DOCK3: variants seen among roughly 807,000 people sequenced by gnomAD.
DOCK3 encodes dedicator of cytokinesis 3.
In DOCK3, 60 loss-of-function variants were observed where a neutral mutation model predicts 265.6. The observed-to-expected ratio is 0.23, with a 90% CI of 0.18 to 0.28. The LOEUF (loss-of-function observed/expected upper bound fraction) is 0.28. Ranked by LOEUF, DOCK3 falls within the 10% of genes least tolerant of loss-of-function variation. The probability of loss-of-function intolerance (pLI) is 1.00; values close to 1 mark genes in which losing one functional copy is unlikely to be tolerated. For synonymous variants in DOCK3, 881 were observed against 938.0 expected, an observed-to-expected ratio of 0.94 and a Z score of 1.11; for missense variants, 1,981 against 2,594.3, an observed-to-expected ratio of 0.76 and a Z score of 5.14.
At chr3:51,237,915 G>A (rs2078420719) in intron 21 of DOCK3, among the ~76,000 whole-genome samples, 1 of 151,306 alleles carries the variant, frequency 6.6e-6, no homozygotes, top group African/African-American at 2.4e-5. Flanking sequence ...CTATCCCCTG[G>A]CACCCACCAT....
At chr3:51,056,666 G>T (rs115548871) in intron 5 of DOCK3, among the ~76,000 whole-genome samples, 2,250 of 152,232 alleles carry the variant, frequency 0.015, 34 homozygotes, top group Non-Finnish European at 0.024. Flanking sequence ...TAGGATTAGA[G>T]GTTACTTCAT....
At chr3:50,901,416 G>A (rs1361923729) in intron 4 of DOCK3, among the ~76,000 whole-genome samples, 1 of 152,102 alleles carries the variant, frequency 6.6e-6, no homozygotes, top group Non-Finnish European at 1.5e-5. Context: ...TGGCTCCATG[G>A]GAATGAGATC....
At chr3:51,362,327 C>T (rs1176187869) in intron 48 of DOCK3, among the ~76,000 whole-genome samples, 200 bp from the exon 49 acceptor site, 3 of 152,166 alleles carry the variant, frequency 2.0e-5, no homozygotes, top group African/African-American at 7.2e-5. Context: ...GTAGTATGGC[C>T]AGCCCAACAA....
chr3:50,718,386 A>G (rs2037259113), intron 1 of DOCK3, among the ~76,000 whole-genome samples: 1 of 152,160 alleles, frequency 6.6e-6, no homozygotes, highest in African/African-American at 2.4e-5. Flanking sequence ...TCTTTTGCTT[A>G]TATTTTCTTT....
chr3:50,807,823 A>G (rs2043520615), intron 2 of DOCK3, among the ~76,000 whole-genome samples: 1 of 152,164 alleles, frequency 6.6e-6, no homozygotes. Context: ...ATCACAGCTC[A>G]CTGTAGCCTT....
At chr3:51,311,103 A>T (rs11130290) in intron 28 of DOCK3, among the ~76,000 whole-genome samples, 125,123 of 152,228 alleles carry the variant, frequency 0.82, 52,018 homozygotes, top group Middle Eastern at 0.9. Context: ...TACTTCCTCA[A>T]ATAGTGACTT....
intron 4 of DOCK3, chr3:50,900,570 T>C (rs2049136415): frequency 8.7e-6 from 3 of 345,616 alleles, no homozygotes; most frequent in Non-Finnish European, 1.1e-5. Context: ...ATTTTTGGAA[T>C]TTTCAGCCTT....
intron 6 of DOCK3, among the ~76,000 whole-genome samples, chr3:51,069,111 A>G (rs1461392923): frequency 6.6e-6 from 1 of 152,202 alleles, no homozygotes; most frequent in Non-Finnish European, 1.5e-5. Flanking sequence ...ATTGGCCTAT[A>G]TGTAGATACT....
At chr3:50,728,154 A>G (rs1472522258) in intron 1 of DOCK3, among the ~76,000 whole-genome samples, 1 of 152,220 alleles carries the variant, frequency 6.6e-6, no homozygotes, top group Non-Finnish European at 1.5e-5. Context: ...GAAACTTTCA[A>G]ATATTTGGAA....
chr3:50,728,622 A>G (rs2037986129), intron 1 of DOCK3, among the ~76,000 whole-genome samples: 1 of 152,160 alleles, frequency 6.6e-6, no homozygotes, highest in South Asian at 2.1e-4. Flanking sequence ...ACATCAGGGA[A>G]TATTATGAAC....
chr3:50,872,527 T>C (rs896734462), intron 3 of DOCK3, among the ~76,000 whole-genome samples: 2 of 152,230 alleles, frequency 1.3e-5, no homozygotes, highest in Admixed American at 6.5e-5. Flanking sequence ...AGGCCTGTTG[T>C]AACCACTCCC....
chr3:51,273,966 C>A (rs990210550), intron 24 of DOCK3, among the ~76,000 whole-genome samples: 1 of 152,142 alleles, frequency 6.6e-6, no homozygotes, highest in Non-Finnish European at 1.5e-5. Context: ...ATAGAAGAGG[C>A]CCTTACACCC....
chr3:51,067,100 G>A (rs1341881149), intron 6 of DOCK3, among the ~76,000 whole-genome samples: 2 of 152,104 alleles, frequency 1.3e-5, no homozygotes, highest in African/African-American at 4.8e-5. Flanking sequence ...TACAGTAATT[G>A]CAAATATAAC....
chr3:50,754,605 A>T (rs1333687034), intron 1 of DOCK3, among the ~76,000 whole-genome samples: 1 of 147,482 alleles, frequency 6.8e-6, no homozygotes, highest in Non-Finnish European at 1.5e-5. Flanking sequence ...TGTCGCCCAG[A>T]CTGGGGTGCA....
chr3:50,796,022 T>A (rs1287566714), intron 2 of DOCK3, among the ~76,000 whole-genome samples: 1 of 152,050 alleles, frequency 6.6e-6, no homozygotes, highest in African/African-American at 2.4e-5. Flanking sequence ...TTGGGAACCC[T>A]TTCTGGAGAG....
chr3:51,160,740 C>A, intron 12 of DOCK3, 38 bp downstream of exon 12: 1 of 1,596,744 alleles, frequency 6.3e-7, no homozygotes, highest in South Asian at 1.1e-5. Context: ...TGATTTGTAG[C>A]ATAAGACATC....
intron 12 of DOCK3, among the ~76,000 whole-genome samples, chr3:51,177,427 TC>T (rs1305292280): frequency 6.6e-6 from 1 of 152,226 alleles, no homozygotes; most frequent in Non-Finnish European, 1.5e-5. Context: ...CATTAGTATT[TC>T]TATTAGTTAA....
intron 9 of DOCK3, among the ~76,000 whole-genome samples, chr3:51,133,449 T>A (rs2084652644): frequency 6.6e-6 from 1 of 151,950 alleles, no homozygotes; most frequent in Non-Finnish European, 1.5e-5. Context: ...TTGCTCAGAA[T>A]GATCGTTTCC....
intron 5 of DOCK3, among the ~76,000 whole-genome samples, chr3:51,014,059 G>A (rs548945834): frequency 1.8e-4 from 27 of 152,294 alleles, no homozygotes; most frequent in African/African-American, 6.0e-4. Context: ...GATTTTCCCG[G>A]TACAGTCTGT....
Sources: allele counts gnomAD v4.1 joint callset (sites outside exome capture counted in the v4.1 genomes callset), GRCh38; gene constraint gnomAD v4.1.1; transcripts MANE v1.5; gene names NCBI Gene and HGNC (gene_info 2026-07-23, HGNC 2026-07-21).